The following PRADC1 variants were observed in gnomAD, a reference collection of about 807,000 sequenced individuals.
PRADC1 encodes protease associated domain containing 1.
A neutral mutation model predicts 22.9 loss-of-function variants in PRADC1; 23 were observed. The observed-to-expected ratio is 1.00, with a 90% CI of 0.72 to 1.42. PRADC1 has a LOEUF of 1.42. PRADC1 is among the 40% of genes most tolerant of loss of function. PRADC1 has a pLI of 0.00. For missense variants in PRADC1, 207 were observed against 258.3 expected (o/e 0.80, Z 1.36); for synonymous variants, 71 against 100.3 (o/e 0.71, Z 1.75).
chr2:73,232,970 C>T (rs760040132), intron 1 of PRADC1, 124 bp downstream of exon 1: 18 of 1,176,564 alleles, frequency 1.5e-5, no homozygotes, highest in Non-Finnish European at 2.1e-5. Context: ...GCCGCCCGCT[C>T]CCAGACCTGT....
At chr2:73,232,999 G>A (rs373399658) in intron 1 of PRADC1, 95 bp downstream of exon 1, 14 of 1,408,572 alleles carry the variant, frequency 9.9e-6, no homozygotes, top group East Asian at 8.3e-5. Flanking sequence ...GAACTCGCAG[G>A]GTCCCCAAGG....
rs1269932973 is a variant in PRADC1, at chr2:73,228,266, T to C, written c.*188A>G. 4 of 670,714 alleles carry C rather than the reference T, an allele frequency of 6.0e-6. No individual in the cohort carries two copies. Among genetic ancestry groups the C allele is most frequent in the Non-Finnish European group, 1.0e-5 (4 of 401,554 alleles). The allele number at this position is 670,714 out of a possible 1,614,324, so 41.5% of individuals were successfully genotyped here. On this transcript the variant is annotated 3_prime_UTR_variant, in exon 5 of 5. Coordinates refer to ENST00000258083, the MANE Select transcript of PRADC1 (RefSeq NM_032319.3). The surrounding 1 kb of genome is among the most constrained non-coding windows in gnomAD (Gnocchi z 4.0). ...CCTCTTCTTGTAGCATGAGACACCC[T>C]TGGGGGCCCTGGGGAAGGGAAGGCC...
chr2:73,229,143 G>A (rs752256016), intron 3 of PRADC1, among the ~76,000 whole-genome samples, 181 bp from the exon 4 acceptor site: 2 of 151,720 alleles, frequency 1.3e-5, no homozygotes, highest in Non-Finnish European at 2.9e-5. Flanking sequence ...TTTTTTTGGA[G>A]ACTGGGTTTT....
chr2:73,230,216 G>C lies in PRADC1; in HGVS notation c.68-3C>G. On this transcript the variant is annotated splice_region_variant and splice_polypyrimidine_tract_variant and intron_variant, in intron 1 of 4. Transcript: ENST00000258083. Reference sequence around the variant, plus strand: ...CAAATAATCATGGATACGGAAGCCTGAAGGATAAAGAGTACAGGTAAGAAG... The same window carrying C: ...CAAATAATCATGGATACGGAAGCCTCAAGGATAAAGAGTACAGGTAAGAAG... 1 of 1,608,016 alleles carries C rather than the reference G, an allele frequency of 6.2e-7. No individual in the cohort carries two copies. Among genetic ancestry groups the C allele is most frequent in the Non-Finnish European group, 8.5e-7 (1 of 1,174,418 alleles).
Position 73,228,301 on chromosome 2 carries a change from G to C in PRADC1, c.*153C>G. 2.2e-6 allele frequency: 2 copies of C among 924,430 alleles called. No homozygotes were observed. The allele number at this position is 924,430 out of a possible 1,614,324, so 57.3% of individuals were successfully genotyped here. On this transcript the variant is annotated 3_prime_UTR_variant, in exon 5 of 5. Coordinates refer to ENST00000258083, the MANE Select transcript of PRADC1 (RefSeq NM_032319.3). The surrounding 1 kb of genome is among the most constrained non-coding windows in gnomAD (Gnocchi z 4.0). ...TGGGGAAGGGAAGGCCAGTGGTGTG[G>C]CTTCCCTTTCAGCCTAGCAACGCCC...
chr2:73,230,346 A>T, intron 1 of PRADC1, 133 bp from the exon 2 acceptor site: 2 of 655,392 alleles, frequency 3.1e-6, no homozygotes, highest in Non-Finnish European at 5.5e-6. Flanking sequence ...AACGGGGTCC[A>T]CTAGTGGCAG....
At chr2:73,231,635 A>AT (rs111879026) in intron 1 of PRADC1, among the ~76,000 whole-genome samples, 18,712 of 143,608 alleles carry the variant, frequency 0.13, 1,587 homozygotes, top group African/African-American at 0.25. Flanking sequence ...GACCAGGCTG[A>AT]TTTTTTTTTT....
At position 73,228,482 on chromosome 2, in the gene PRADC1, A is replaced by G. The variant is rs747791050; in HGVS notation, c.539T>C (p.Leu180Pro). 1 of 1,614,222 alleles carries G rather than the reference A, an allele frequency of 6.2e-7. No homozygotes were observed. Among genetic ancestry groups the G allele is most frequent in the Non-Finnish European group, 8.5e-7 (1 of 1,180,032 alleles). The change falls in exon 5 of 5, where the codon CTG (leucine) becomes CCG (proline). Residue 180 changes from leucine (L) to proline (P), a missense_variant. By Grantham distance (98) the Leu-to-Pro change is moderately conservative. Coordinates refer to ENST00000258083, the MANE Select transcript of PRADC1 (RefSeq NM_032319.3). This position sits in a 1 kb window ranked among gnomAD's most constrained non-coding sequence, Gnocchi z 4.0. ...CCAGAAGGTCCAGGGCGGTTGCAGC[A>G]GCTCAAAGGTGGGGATGCTGGTGAC... ...VNVTSIPTFELLQPPWTFW is the reference protein window; with the variant it reads ...VNVTSIPTFEPLQPPWTFW
rs1009944595 is a variant in PRADC1, at chr2:73,233,130, G to A, written c.31C>T (p.Leu11Phe). The A allele has an allele frequency of 5.1e-5, 78 of 1,523,034 alleles. No individual in the cohort carries two copies. The highest frequency in any genetic ancestry group is 6.6e-5 in the Non-Finnish European group (76 of 1,146,196). The allele number at this position is 1,523,034 out of a possible 1,614,324, so 94.3% of individuals were successfully genotyped here. A position where few individuals can be genotyped will look rare whatever the true frequency, so the allele number is the denominator to read the frequency against. The stretch of plus-strand genomic sequence containing the variant: ...ACGCACGCGGGGAGCCAGAGCACGA[G>A]ACAACACCAGCCCGCGGCGCCGGGG... MVPGAAGWCCLVLWLPACVAA... is the reference protein window; with the variant it reads MVPGAAGWCCFVLWLPACVAA... Residue 11 changes from leucine (L) to phenylalanine (F), a missense_variant, in exon 1 of 5, where the codon CTC (leucine) becomes TTC (phenylalanine). Coordinates refer to ENST00000258083, the MANE Select transcript of PRADC1 (RefSeq NM_032319.3).
At position 73,228,469 on chromosome 2, in the gene PRADC1, G is replaced by T; in HGVS notation, c.552C>A (p.Pro184=). Residue 184 remains proline, a synonymous_variant, in exon 5 of 5, where the codon CCC becomes CCA. Transcript: ENST00000258083. The surrounding 1 kb of genome is among the most constrained non-coding windows in gnomAD (Gnocchi z 4.0). Reference sequence around the variant, plus strand: ...ACAAACTCTTCTACCAGAAGGTCCAGGGCGGTTGCAGCAGCTCAAAGGTGG... The same window carrying T: ...ACAAACTCTTCTACCAGAAGGTCCATGGCGGTTGCAGCAGCTCAAAGGTGG... ...SIPTFELLQP[P]WTFW is the part of the protein sequence containing the mutation. The T allele has an allele frequency of 6.2e-7, 1 of 1,614,172 alleles. No individual in the cohort carries two copies. The highest frequency in any genetic ancestry group is 8.5e-7 in the Non-Finnish European group (1 of 1,180,024).
Position 73,228,245 on chromosome 2 carries a change from T to C in PRADC1, c.*209A>G, listed in dbSNP as rs1686553475. On this transcript the variant is annotated 3_prime_UTR_variant, in exon 5 of 5. Transcript: ENST00000258083. The surrounding 1 kb of genome is among the most constrained non-coding windows in gnomAD (Gnocchi z 4.0). The stretch of plus-strand genomic sequence containing the variant: ...AGCCCTGGGGCCTGTCTCTTGCCTC[T>C]TCTTGTAGCATGAGACACCCTTGGG... 3.3e-6 allele frequency: 2 copies of C among 598,368 alleles called. No homozygotes were observed. Among genetic ancestry groups the C allele is most frequent in the East Asian group, 6.0e-5 (2 of 33,224 alleles). The allele number at this position is 598,368 out of a possible 1,614,324, so 37.1% of individuals were successfully genotyped here.
intron 1 of PRADC1, among the ~76,000 whole-genome samples, chr2:73,232,714 CGT>C (rs755085890): frequency 2.0e-5 from 3 of 152,192 alleles, no homozygotes; most frequent in Non-Finnish European, 4.4e-5. Context: ...ACGGTTTGTG[CGT>C]GTGTGCCCAC....
intron 1 of PRADC1, among the ~76,000 whole-genome samples, chr2:73,230,916 C>T (rs1686624076): frequency 3.9e-5 from 6 of 152,192 alleles, no homozygotes; most frequent in Admixed American, 3.9e-4. Flanking sequence ...GTTCCCTGAG[C>T]CTGGAAGGCC....
At chr2:73,230,063 G>A (rs1574345309) in intron 2 of PRADC1, 50 bp downstream of exon 2, 2 of 1,290,302 alleles carry the variant, frequency 1.6e-6, no homozygotes, top group East Asian at 2.3e-5. Flanking sequence ...AGCTCAGTGA[G>A]GGGAAGGGGG....
chr2:73,229,558 C>T lies in PRADC1; in HGVS notation c.181G>A (p.Glu61Lys), dbSNP rs759178907. The change falls in exon 3 of 5, where the codon GAG becomes AAG. Residue 61 changes from glutamate to lysine, a missense_variant. By Grantham distance (56) the Glu-to-Lys change is moderately conservative. Coordinates refer to ENST00000258083, the MANE Select transcript of PRADC1 (RefSeq NM_032319.3). ...DFGGIFHTRY[E>K]QIHLVPAEPP... ...TCAGCGGGGACAAGGTGAATCTGCT[C>T]ATACCTTGTGTGCTGAAAAACATTT... 1.1e-5 allele frequency: 17 copies of T among 1,613,230 alleles called. No individual in the cohort carries two copies. The highest frequency in any genetic ancestry group is 1.7e-5 in the Admixed American group (1 of 59,994).
rs11559241 is a variant in PRADC1, at chr2:73,228,472, C to T, written c.549G>A (p.Pro183=). ...AACTCTTCTACCAGAAGGTCCAGGG[C>T]GGTTGCAGCAGCTCAAAGGTGGGGA... ...TSIPTFELLQ[P]PWTFW Residue 183 remains proline, a synonymous_variant, in exon 5 of 5, where the codon CCG becomes CCA. Coordinates refer to ENST00000258083, the MANE Select transcript of PRADC1 (RefSeq NM_032319.3). This position sits in a 1 kb window ranked among gnomAD's most constrained non-coding sequence, Gnocchi z 4.0. 0.028 allele frequency: 44,815 copies of T among 1,613,964 alleles called. 1,904 individuals carry two copies. The highest frequency in any genetic ancestry group is 0.2 in the African/African-American group (15,059 of 74,956).
At chr2:73,231,168 G>T (rs1686627617) in intron 1 of PRADC1, among the ~76,000 whole-genome samples, 1 of 152,246 alleles carries the variant, frequency 6.6e-6, no homozygotes, top group Non-Finnish European at 1.5e-5. Context: ...CACCCAGGCT[G>T]GAGTGCAGTG....
intron 1 of PRADC1, 25 bp downstream of exon 1, chr2:73,233,068 AC>A: frequency 6.5e-7 from 1 of 1,532,036 alleles, no homozygotes; most frequent in Non-Finnish European, 8.7e-7. Flanking sequence ...CCGCCCTGCA[AC>A]GCAGTCCCAC....
Position 73,228,190 on chromosome 2 carries a change from C to T in PRADC1, c.*264G>A, listed in dbSNP as rs1378268440. On this transcript the variant is annotated 3_prime_UTR_variant, in exon 5 of 5. Coordinates refer to ENST00000258083, the MANE Select transcript of PRADC1 (RefSeq NM_032319.3). This position sits in a 1 kb window ranked among gnomAD's most constrained non-coding sequence, Gnocchi z 4.0. Reference sequence around the variant, plus strand: ...AGATGGCTCTCAGGCCACCTGCCTTCAGCTCCTTTTGTTTCGGGTTCTAGC... The same window carrying T: ...AGATGGCTCTCAGGCCACCTGCCTTTAGCTCCTTTTGTTTCGGGTTCTAGC... 2.1e-6 allele frequency: 1 copy of T among 466,432 alleles called. No individual in the cohort carries two copies. The highest frequency in any genetic ancestry group is 3.9e-6 in the Non-Finnish European group (1 of 254,998). The allele number at this position is 466,432 out of a possible 1,614,324, so 28.9% of individuals were successfully genotyped here.
Sources: allele counts gnomAD v4.1 joint callset (sites outside exome capture counted in the v4.1 genomes callset), GRCh38; gene constraint gnomAD v4.1.1; non-coding constraint Gnocchi (gnomAD v3.1); transcripts MANE v1.5; gene names NCBI Gene and HGNC (gene_info 2026-07-23, HGNC 2026-07-21).